The following FARP1 variants were observed in gnomAD, a reference collection of about 807,000 sequenced individuals.
FARP1 encodes the protein FERM, ARHGEF and pleckstrin domain-containing protein 1.
Under a neutral mutation model 128.8 loss-of-function variants are expected in FARP1, and 52 were observed. The ratio of observed to expected loss-of-function variants is 0.40; its 90% CI spans 0.32 to 0.51. The LOEUF is 0.51. Among genes scored for constraint, FARP1 ranks in the 20% least tolerant of loss-of-function variants. FARP1 has a pLI of 0.45. For synonymous variants in FARP1, 580 were observed against 551.8 expected (o/e 1.05, Z -0.72); for missense variants, 1,333 against 1,367.9 (o/e 0.97, Z 0.40).
rs117785980 is a variant in FARP1, at chr13:98,355,738, T to C, written c.277-9657T>C. 7.6e-4 allele frequency among the ~76,000 whole-genome samples: 116 copies of C among 152,370 alleles called. 1 individual carries two copies. In the East Asian group the frequency reaches 0.019, roughly 25 times the overall value. ...TTCTAGATTACATATGTTTAAATTG[T>C]AATAGATTATTTTTAAAATTAATAG... is the stretch of plus-strand genomic sequence containing the variant. On this transcript the variant is annotated intron_variant, in intron 3 of 26. Transcript: ENST00000319562.
intron 2 of FARP1, among the ~76,000 whole-genome samples, chr13:98,302,835 G>A (rs748995720): frequency 6.6e-6 from 1 of 152,170 alleles, no homozygotes; most frequent in East Asian, 1.9e-4. Context: ...AACCAGGGGC[G>A]AGGAGAGTTA....
intron 2 of FARP1, among the ~76,000 whole-genome samples, chr13:98,227,754 G>A (rs760418169): frequency 6.6e-6 from 1 of 152,194 alleles, no homozygotes; most frequent in Non-Finnish European, 1.5e-5. Context: ...GAAGCAAAGT[G>A]TGTTATATAC....
chr13:98,431,460 G>GTT, intron 18 of FARP1, 180 bp downstream of exon 18: 6 of 410,606 alleles, frequency 1.5e-5, no homozygotes, highest in East Asian at 3.8e-5. Context: ...GTTACATCTT[G>GTT]ATTTTTTTTT....
At chr13:98,268,760 ATCTGGC>A (rs1340598354) in intron 2 of FARP1, among the ~76,000 whole-genome samples, 2 of 149,822 alleles carry the variant, frequency 1.3e-5, no homozygotes, top group African/African-American at 4.9e-5. Flanking sequence ...GAGCTACTGC[ATCTGGC>A]CTTTCCCTTC....
chr13:98,263,638 A>C (rs1883977377), intron 2 of FARP1, among the ~76,000 whole-genome samples: 1 of 152,238 alleles, frequency 6.6e-6, no homozygotes, highest in Admixed American at 6.5e-5. Context: ...TCTTTGAAGC[A>C]ATCTCTTCTA....
chr13:98,191,089 C>T (rs1879200777), intron 1 of FARP1, among the ~76,000 whole-genome samples: 1 of 152,204 alleles, frequency 6.6e-6, no homozygotes, highest in South Asian at 2.1e-4. Context: ...TCCGGCCCGA[C>T]ACTGCTGGAG....
chr13:98,145,459 G>C (rs1875460234), intron 1 of FARP1, among the ~76,000 whole-genome samples: 1 of 152,202 alleles, frequency 6.6e-6, no homozygotes, highest in Non-Finnish European at 1.5e-5. Flanking sequence ...TATCAAAGAA[G>C]ATCTTAAAAT....
chr13:98,414,492 A>G (rs751460579), intron 16 of FARP1, among the ~76,000 whole-genome samples: 4 of 152,204 alleles, frequency 2.6e-5, no homozygotes, highest in Non-Finnish European at 4.4e-5. Flanking sequence ...TGAGTTTAGT[A>G]TGAGCCATAG....
chr13:98,201,361 G>A (rs1879931886), intron 1 of FARP1, among the ~76,000 whole-genome samples: 1 of 152,198 alleles, frequency 6.6e-6, no homozygotes, highest in Non-Finnish European at 1.5e-5. Context: ...AGGAACGCTT[G>A]AGCCCAGGAG....
intron 18 of FARP1, chr13:98,431,499 T>G: frequency 2.3e-6 from 1 of 441,304 alleles, no homozygotes. Flanking sequence ...TCTCACTCTG[T>G]CGCCCAGGCT....
chr13:98,332,155 A>T (rs1566887768), intron 2 of FARP1, among the ~76,000 whole-genome samples: 1 of 152,074 alleles, frequency 6.6e-6, no homozygotes, highest in African/African-American at 2.4e-5. Context: ...GTTGTTGCTC[A>T]GCCATCCCCA....
At chr13:98,216,010 T>C (rs530356783) in intron 2 of FARP1, among the ~76,000 whole-genome samples, 1 of 152,282 alleles carries the variant, frequency 6.6e-6, no homozygotes, top group African/African-American at 2.4e-5. Flanking sequence ...AGGATGGTCT[T>C]GATCTCCTGA....
intron 2 of FARP1, among the ~76,000 whole-genome samples, chr13:98,256,962 T>TATATATATATATATATATATAC (rs1883640326): frequency 4.4e-5 from 5 of 113,676 alleles, no homozygotes; most frequent in African/African-American, 2.2e-4. Context: ...TATATATATA[T>TATATATATATATATATATATAC]ATATATATAT....
chr13:98,252,328 A>G (rs1328358653), intron 2 of FARP1, among the ~76,000 whole-genome samples: 2 of 152,180 alleles, frequency 1.3e-5, no homozygotes, highest in Non-Finnish European at 2.9e-5. Flanking sequence ...AGTGCATGTG[A>G]TGTGACTCAA....
intron 24 of FARP1, 66 bp downstream of exon 24, chr13:98,440,902 T>G: frequency 6.7e-7 from 1 of 1,485,940 alleles, no homozygotes; most frequent in Non-Finnish European, 9.1e-7. Context: ...CAGGCAAACT[T>G]CTGGGCCAGG....
rs141007012 is a variant in FARP1, at chr13:98,235,731, C to A, written c.171+22318C>A. The stretch of plus-strand genomic sequence containing the variant: ...TAGATACATTAAACAGCCCCCATTT[C>A]CCCGTCCCCCAGCCCCTGCCAACCA... On this transcript the variant is annotated intron_variant, in intron 2 of 26. Coordinates refer to ENST00000319562, the MANE Select transcript of FARP1 (RefSeq NM_005766.4). 4.9e-3 allele frequency among the ~76,000 whole-genome samples: 748 copies of A among 152,242 alleles called. 8 individuals carry two copies. The highest frequency in any genetic ancestry group is 0.017 in the African/African-American group (713 of 41,542).
At chr13:98,400,382 A>G (rs1890711931) in intron 13 of FARP1, 1 of 152,244 alleles carries the variant, frequency 6.6e-6, no homozygotes, top group Non-Finnish European at 1.5e-5. Context: ...GTCATTTTAA[A>G]TGTTGTTGAA....
At chr13:98,186,863 G>A (rs1197185138) in intron 1 of FARP1, among the ~76,000 whole-genome samples, 14 of 151,748 alleles carry the variant, frequency 9.2e-5, no homozygotes, top group Non-Finnish European at 1.9e-4. Flanking sequence ...GTGGTGGCAT[G>A]TGCCTGTAAT....
intron 2 of FARP1, among the ~76,000 whole-genome samples, chr13:98,296,167 T>G (rs1204520895): frequency 1.3e-5 from 2 of 152,202 alleles, no homozygotes; most frequent in African/African-American, 4.8e-5. Flanking sequence ...GCAGCTACTC[T>G]AGCAGATCTG....
Sources: allele counts gnomAD v4.1 joint callset (sites outside exome capture counted in the v4.1 genomes callset), GRCh38; gene constraint gnomAD v4.1.1; transcripts MANE v1.5; gene names NCBI Gene and HGNC (gene_info 2026-07-23, HGNC 2026-07-21).